Variants in COL25A1 observed in about 807,000 individuals in gnomAD.
COL25A1 encodes collagen type XXV alpha 1 chain.
A neutral mutation model predicts 128.4 loss-of-function variants in COL25A1; 103 were observed. That is an observed-to-expected ratio of 0.80 (90% CI 0.68 to 0.94). COL25A1 has a LOEUF of 0.94. Among genes scored for constraint, COL25A1 ranks in the 40% least tolerant of loss-of-function variants. The pLI is 0.00. For synonymous variants in COL25A1, 279 were observed against 277.2 expected, an observed-to-expected ratio of 1.01 and a Z score of -0.06; for missense variants, 745 against 840.0, an observed-to-expected ratio of 0.89 and a Z score of 1.40.
intron 3 of COL25A1, among the ~76,000 whole-genome samples, chr4:109,104,364 C>A (rs752585268): frequency 1.3e-5 from 2 of 150,574 alleles, no homozygotes; most frequent in Non-Finnish European, 1.5e-5. Flanking sequence ...CAGAGCAAGA[C>A]CCTATCTCAA....
intron 19 of COL25A1, among the ~76,000 whole-genome samples, chr4:108,883,522 T>C (rs1471804796): frequency 6.6e-6 from 1 of 152,208 alleles, no homozygotes; most frequent in African/African-American, 2.4e-5. Context: ...CTTTAAGTCT[T>C]GTCAGTTGCC....
intron 3 of COL25A1, among the ~76,000 whole-genome samples, chr4:109,095,093 T>C (rs899779830): frequency 6.6e-6 from 1 of 152,222 alleles, no homozygotes; most frequent in Non-Finnish European, 1.5e-5. Context: ...GTGAATAACG[T>C]TGCAATACAC....
intron 31 of COL25A1, among the ~76,000 whole-genome samples, chr4:108,834,746 T>C (rs796440192): frequency 4.6e-5 from 7 of 152,326 alleles, no homozygotes; most frequent in African/African-American, 1.4e-4. Flanking sequence ...ATTCACCATA[T>C]ATTTCTTTAG....
chr4:109,091,764 A>G (rs964710364), intron 3 of COL25A1, among the ~76,000 whole-genome samples: 6 of 151,882 alleles, frequency 4.0e-5, no homozygotes, highest in African/African-American at 1.5e-4. Context: ...ACAATACTGT[A>G]ATCCTTAACA....
chr4:109,271,284 G>A (rs1423162900), intron 3 of COL25A1, among the ~76,000 whole-genome samples: 1 of 152,160 alleles, frequency 6.6e-6, no homozygotes, highest in Non-Finnish European at 1.5e-5. Flanking sequence ...AAGGTTCTTG[G>A]TTAAAGGAAG....
At chr4:109,154,882 T>C (rs371158958) in intron 3 of COL25A1, among the ~76,000 whole-genome samples, 8 of 152,210 alleles carry the variant, frequency 5.3e-5, no homozygotes, top group African/African-American at 1.7e-4. Flanking sequence ...CATTGTCTTC[T>C]TTCCTTAGTG....
chr4:109,124,399 T>G (rs921153031), intron 3 of COL25A1, among the ~76,000 whole-genome samples: 1 of 152,090 alleles, frequency 6.6e-6, no homozygotes, highest in African/African-American at 2.4e-5. Context: ...AATAAAAGTT[T>G]AAAATATATG....
At chr4:109,178,553 G>C (rs1270178712) in intron 3 of COL25A1, among the ~76,000 whole-genome samples, 1 of 152,096 alleles carries the variant, frequency 6.6e-6, no homozygotes, top group East Asian at 1.9e-4. Flanking sequence ...AGCCAGGCAC[G>C]GTGGCTCACG....
At chr4:108,964,342 CT>C (rs1255260894) in intron 8 of COL25A1, among the ~76,000 whole-genome samples, 2 of 151,584 alleles carry the variant, frequency 1.3e-5, no homozygotes, top group African/African-American at 2.4e-5. Context: ...CAGTTAAAGG[CT>C]CACATCTCAG....
intron 19 of COL25A1, among the ~76,000 whole-genome samples, chr4:108,882,902 A>G (rs1430964859): frequency 6.6e-6 from 1 of 152,180 alleles, no homozygotes; most frequent in African/African-American, 2.4e-5. Flanking sequence ...ATAAAATATT[A>G]TACATATTAT....
chr4:108,918,126 A>G (rs763873741), intron 13 of COL25A1, 46 bp downstream of exon 13: 1 of 1,267,152 alleles, frequency 7.9e-7, no homozygotes, highest in South Asian at 1.5e-5. Flanking sequence ...TGTGATTTCA[A>G]TGCTCACCAA....
intron 3 of COL25A1, among the ~76,000 whole-genome samples, chr4:109,155,383 A>T (rs77198094): frequency 0.02 from 3,069 of 152,306 alleles, 99 homozygotes; most frequent in South Asian, 0.14. Context: ...CTTGGGCTTT[A>T]AAACAACAGG....
In COL25A1 at chr4:109,184,802, T is replaced by C. The variant is rs182226549; in HGVS notation, c.367+115781A>G. On this transcript the variant is annotated intron_variant, in intron 3 of 37. Coordinates refer to ENST00000399132, the MANE Select transcript of COL25A1 (RefSeq NM_198721.4). ...CATTGCTTGAAATGCTACCACAATA[T>C]TCCTGCCAAGTGGCTCCCATTCAGA... 2.8e-3 allele frequency among the ~76,000 whole-genome samples: 425 copies of C among 152,248 alleles called. 4 individuals carry two copies. The highest frequency in any genetic ancestry group is 8.2e-4 in the Non-Finnish European group (56 of 68,026).
At chr4:109,074,898 C>T (rs1044513318) in intron 3 of COL25A1, among the ~76,000 whole-genome samples, 3 of 152,104 alleles carry the variant, frequency 2.0e-5, no homozygotes, top group Admixed American at 1.3e-4. Context: ...ATGCGCATGA[C>T]TTAAGAATTG....
intron 37 of COL25A1, 68 bp from the exon 38 acceptor site, chr4:108,813,997 A>G: frequency 2.4e-6 from 3 of 1,255,100 alleles, no homozygotes; most frequent in Non-Finnish European, 3.5e-6. Context: ...TTTTAAATCA[A>G]TATTTATTTT....
chr4:108,877,631 T>A (rs1739607904), intron 19 of COL25A1, among the ~76,000 whole-genome samples: 1 of 151,954 alleles, frequency 6.6e-6, no homozygotes, highest in South Asian at 2.1e-4. Context: ...GCTTAAATAC[T>A]GTCTTCTGGC....
chr4:109,041,677 T>C (rs1759911351), intron 5 of COL25A1, among the ~76,000 whole-genome samples: 1 of 152,132 alleles, frequency 6.6e-6, no homozygotes, highest in Admixed American at 6.5e-5. Flanking sequence ...GTGACTTGAC[T>C]CTTGCCAAAG....
intron 5 of COL25A1, among the ~76,000 whole-genome samples, chr4:109,045,457 A>C (rs1317417383): frequency 6.6e-6 from 1 of 152,192 alleles, no homozygotes. Flanking sequence ...ATTTAACTGT[A>C]ATAATCCCAT....
At chr4:108,954,917 T>G (rs1205364457) in intron 8 of COL25A1, among the ~76,000 whole-genome samples, 1 of 151,950 alleles carries the variant, frequency 6.6e-6, no homozygotes, top group Admixed American at 6.6e-5. Flanking sequence ...ATAGCCCAAT[T>G]TACAAACTAC....
Sources: allele counts gnomAD v4.1 joint callset (sites outside exome capture counted in the v4.1 genomes callset), GRCh38; gene constraint gnomAD v4.1.1; transcripts MANE v1.5; gene names NCBI Gene and HGNC (gene_info 2026-07-23, HGNC 2026-07-21).